The following NUBPL variants were observed in gnomAD, a reference collection of about 807,000 sequenced individuals.
The protein encoded by NUBPL is NUBP iron-sulfur cluster assembly factor, mitochondrial, also known as iron-sulfur cluster transfer protein NUBPL.
Under a neutral mutation model 45.7 loss-of-function variants are expected in NUBPL, and 31 were observed. That is an observed-to-expected ratio of 0.68 (90% CI 0.51 to 0.92). NUBPL has a LOEUF of 0.92. Ranked by LOEUF, NUBPL falls within the 40% of genes least tolerant of loss-of-function variation. The pLI is 0.00. For missense variants in NUBPL, 401 were observed against 398.7 expected, an observed-to-expected ratio of 1.01 and a Z score of -0.05; for synonymous variants, 144 against 140.9, an observed-to-expected ratio of 1.02 and a Z score of -0.15.
rs1448271836 is a variant in NUBPL, at chr14:31,724,011, T to C, written c.513+50437T>C. Among the ~76,000 whole-genome samples, 26 of 152,216 alleles carry C rather than the reference T, an allele frequency of 1.7e-4. 1 individual carries two copies. The highest frequency in any genetic ancestry group is 1.7e-3 in the Admixed American group (26 of 15,284). ...TAGGAGTGGTGAGAGAGGGCATCGT[T>C]GTGCCAGTTTTCAAGGGGAATGCTT... On this transcript the variant is annotated intron_variant, in intron 6 of 10. Coordinates refer to ENST00000281081, the MANE Select transcript of NUBPL (RefSeq NM_025152.3).
At chr14:31,761,900 A>G (rs1287702584) in intron 6 of NUBPL, among the ~76,000 whole-genome samples, 2 of 152,212 alleles carry the variant, frequency 1.3e-5, no homozygotes, top group Non-Finnish European at 2.9e-5. Context: ...ATGAGTGTAC[A>G]TGTATGTACA....
chr14:31,639,532 G>A (rs2035618050), intron 4 of NUBPL, among the ~76,000 whole-genome samples: 1 of 152,156 alleles, frequency 6.6e-6, no homozygotes, highest in African/African-American at 2.4e-5. Flanking sequence ...GGGGTTAGGG[G>A]TCAGGGACCC....
At chr14:31,808,305 G>A (rs1397776039) in intron 7 of NUBPL, among the ~76,000 whole-genome samples, 1 of 152,130 alleles carries the variant, frequency 6.6e-6, no homozygotes, top group African/African-American at 2.4e-5. Flanking sequence ...TCATTGAGCA[G>A]TGGTTTGTAG....
At chr14:31,736,815 A>T (rs887635718) in intron 6 of NUBPL, among the ~76,000 whole-genome samples, 1 of 152,242 alleles carries the variant, frequency 6.6e-6, no homozygotes, top group Admixed American at 6.5e-5. Context: ...TTAATCTCCA[A>T]CCATTCATAT....
intron 6 of NUBPL, among the ~76,000 whole-genome samples, chr14:31,747,369 C>A (rs553372001): frequency 6.6e-6 from 1 of 152,132 alleles, no homozygotes; most frequent in East Asian, 1.9e-4. Flanking sequence ...GATCTCCTGA[C>A]CTTGTGGTCC....
chr14:31,567,564 G>T (rs534120885), intron 3 of NUBPL, among the ~76,000 whole-genome samples: 2 of 151,696 alleles, frequency 1.3e-5, no homozygotes, highest in East Asian at 1.9e-4. Flanking sequence ...TTGTTATTAG[G>T]TTCTTCTGAT....
At chr14:31,758,985 C>T (rs4600374) in intron 6 of NUBPL, among the ~76,000 whole-genome samples, 44,474 of 151,550 alleles carry the variant, frequency 0.29, 7,340 homozygotes, top group South Asian at 0.41. Context: ...GCCAGGTGGA[C>T]GGTTCCTCTT....
chr14:31,646,525 T>C (rs2035857501), intron 4 of NUBPL, among the ~76,000 whole-genome samples: 1 of 152,132 alleles, frequency 6.6e-6, no homozygotes, highest in Non-Finnish European at 1.5e-5. Context: ...ATTTTGAAAA[T>C]GTTATTCTTT....
chr14:31,683,432 C>T (rs112331806), intron 6 of NUBPL, among the ~76,000 whole-genome samples: 1 of 137,972 alleles, frequency 7.2e-6, no homozygotes, highest in Non-Finnish European at 1.5e-5. Context: ...AATCTAGGCT[C>T]ACTGCAACTT....
intron 4 of NUBPL, among the ~76,000 whole-genome samples, chr14:31,639,789 G>T (rs1295185201): frequency 6.6e-6 from 1 of 152,168 alleles, no homozygotes; most frequent in Admixed American, 6.5e-5. Context: ...GGGCAATGGC[G>T]GGCGCCCCTC....
At chr14:31,642,611 AG>A (rs2035736029) in intron 4 of NUBPL, among the ~76,000 whole-genome samples, 1 of 152,162 alleles carries the variant, frequency 6.6e-6, no homozygotes, top group Non-Finnish European at 1.5e-5. Flanking sequence ...TTTTGAAGTT[AG>A]GTAGTGTGAT....
intron 4 of NUBPL, among the ~76,000 whole-genome samples, chr14:31,651,401 C>G (rs556557966): frequency 6.6e-6 from 1 of 151,714 alleles, no homozygotes; most frequent in Admixed American, 6.6e-5. Flanking sequence ...GAAATTACTT[C>G]TCAAATTTTA....
chr14:31,698,193 T>C (rs890053700), intron 6 of NUBPL, among the ~76,000 whole-genome samples: 4 of 152,194 alleles, frequency 2.6e-5, no homozygotes, highest in Admixed American at 6.5e-5. Context: ...TTGTTTTCTT[T>C]CTTGGTTGTA....
At chr14:31,623,946 A>G (rs11620949) in intron 4 of NUBPL, among the ~76,000 whole-genome samples, 45,751 of 151,826 alleles carry the variant, frequency 0.3, 7,554 homozygotes, top group South Asian at 0.41. Flanking sequence ...TGTGATTCAG[A>G]CACTATGAGA....
intron 3 of NUBPL, among the ~76,000 whole-genome samples, chr14:31,576,881 T>C (rs2033731368): frequency 6.6e-6 from 1 of 152,220 alleles, no homozygotes. Context: ...GGATTGTTGA[T>C]TGCAGTGCTT....
At chr14:31,742,039 A>G (rs2038295485) in intron 6 of NUBPL, among the ~76,000 whole-genome samples, 1 of 152,062 alleles carries the variant, frequency 6.6e-6, no homozygotes, top group African/African-American at 2.4e-5. Flanking sequence ...CCCTCCCCCT[A>G]AAAAAGCCTA....
chr14:31,834,470 CG>C (rs1566589781), intron 8 of NUBPL, among the ~76,000 whole-genome samples: 2 of 152,098 alleles, frequency 1.3e-5, no homozygotes, highest in East Asian at 3.9e-4. Flanking sequence ...TGAGCCACTG[CG>C]CCTGGCCGGT....
chr14:31,616,065 A>T (rs1431753149), intron 4 of NUBPL, among the ~76,000 whole-genome samples: 1 of 151,994 alleles, frequency 6.6e-6, no homozygotes, highest in South Asian at 2.1e-4. Context: ...GATTTTTTTC[A>T]TATGTTTGTT....
intron 4 of NUBPL, among the ~76,000 whole-genome samples, chr14:31,619,069 G>T (rs1477181573): frequency 6.6e-6 from 1 of 152,020 alleles, no homozygotes; most frequent in African/African-American, 2.4e-5. Context: ...ATCTTTGTTG[G>T]TTTAAAGTCT....
Sources: gnomAD v4.1 joint callset for allele counts (sites outside exome capture counted in the v4.1 genomes callset) on GRCh38, gnomAD v4.1.1 for gene constraint, MANE v1.5 for transcripts, NCBI Gene and HGNC (gene_info 2026-07-23, HGNC 2026-07-21) for gene names.